DNAH10: variants seen among roughly 807,000 people sequenced by gnomAD.
DNAH10 encodes axonemal beta dynein heavy chain 10.
In DNAH10, 348 loss-of-function variants were observed where a neutral mutation model predicts 506.6. The observed-to-expected ratio is 0.69, with a 90% confidence interval of 0.63 to 0.75. The LOEUF (loss-of-function observed/expected upper bound fraction) is 0.75. Among genes scored for constraint, DNAH10 ranks in the 30% least tolerant of loss-of-function variants. DNAH10 has a pLI of 0.00. For missense variants in DNAH10, 5,179 were observed against 5,787.1 expected (o/e 0.89, Z 3.41); for synonymous variants, 2,059 against 2,198.6 (o/e 0.94, Z 1.78).
chr12:123,808,324 C>T (rs997462633), intron 18 of DNAH10, among the ~76,000 whole-genome samples: 1 of 152,154 alleles, frequency 6.6e-6, no homozygotes, highest in African/African-American at 2.4e-5. Context: ...AGCCACTGCG[C>T]CCCGCTAGAT....
At chr12:123,805,180 A>G in intron 18 of DNAH10, 140 bp downstream of exon 18, 4 of 838,824 alleles carry the variant, frequency 4.8e-6, no homozygotes, top group Non-Finnish European at 7.4e-6. Context: ...AAGGGCACTC[A>G]CAGAATGGGG....
intron 1 of DNAH10, among the ~76,000 whole-genome samples, chr12:123,765,535 C>T (rs1956992266): frequency 1.4e-5 from 2 of 147,100 alleles, no homozygotes; most frequent in Non-Finnish European, 3.0e-5. Context: ...TGATCTGTCT[C>T]CCTACCTTCC....
chr12:123,897,772 T>A lies in DNAH10; in HGVS notation c.9283T>A (p.Tyr3095Asn). The A allele has an allele frequency of 1.2e-6, 2 of 1,606,354 alleles. No homozygotes were observed. Among genetic ancestry groups the A allele is most frequent in the Non-Finnish European group, 1.7e-6 (2 of 1,178,108 alleles). The change falls in exon 55 of 79, where the codon TAT (tyrosine) becomes AAT (asparagine). Residue 3095 changes from tyrosine to asparagine, a missense_variant and splice_region_variant. Tyr to Asn is a moderately radical substitution (Grantham distance 143). Coordinates refer to ENST00000673944, the MANE Select transcript of DNAH10 (RefSeq NM_001372106.1). ...LHAVAKSFLGYNPMIPAENIE... is the reference protein window; with the variant it reads ...LHAVAKSFLGNNPMIPAENIE... Reference sequence around the variant, plus strand: ...ATTTTTTATTCCTTCCTCTTCAGGGTATAATCCAATGATCCCGGCAGAAAA... The same window carrying A: ...ATTTTTTATTCCTTCCTCTTCAGGGAATAATCCAATGATCCCGGCAGAAAA...
intron 65 of DNAH10, chr12:123,923,324 C>T (rs1954810149): frequency 6.5e-6 from 1 of 153,472 alleles, no homozygotes; most frequent in Admixed American, 6.5e-5. Context: ...ATGACAGAGA[C>T]CATCTAGCTT....
At chr12:123,840,645 C>T (rs528597896) in intron 29 of DNAH10, among the ~76,000 whole-genome samples, 243 of 152,128 alleles carry the variant, frequency 1.6e-3, no homozygotes, top group African/African-American at 5.3e-3. Context: ...ATTTACTGTT[C>T]GCCTCTTTTG....
At chr12:123,767,889 A>G (rs1957107261) in intron 2 of DNAH10, among the ~76,000 whole-genome samples, 200 bp downstream of exon 2, 1 of 152,192 alleles carries the variant, frequency 6.6e-6, no homozygotes, top group Non-Finnish European at 1.5e-5. Context: ...TGGGTGGCTG[A>G]AAACAACACA....
At chr12:123,931,572 G>T in intron 74 of DNAH10, 64 bp from the exon 75 acceptor site, 9 of 1,607,196 alleles carry the variant, frequency 5.6e-6, no homozygotes, top group Non-Finnish European at 7.7e-6. Context: ...GAACTGGAAG[G>T]CTCAGGAGGC....
chr12:123,854,975 A>G (rs757561491), intron 36 of DNAH10, among the ~76,000 whole-genome samples: 1 of 152,248 alleles, frequency 6.6e-6, no homozygotes, highest in Non-Finnish European at 1.5e-5. Context: ...AAGGTAAAGA[A>G]TTCACAAATA....
At chr12:123,858,592 C>T (rs1180611691) in intron 37 of DNAH10, among the ~76,000 whole-genome samples, 1 of 152,138 alleles carries the variant, frequency 6.6e-6, no homozygotes, top group Non-Finnish European at 1.5e-5. Flanking sequence ...GGGATCTACC[C>T]AAGAATGAGG....
chr12:123,775,002 T>C (rs569913313), intron 5 of DNAH10, among the ~76,000 whole-genome samples: 3 of 152,146 alleles, frequency 2.0e-5, no homozygotes, highest in Non-Finnish European at 2.9e-5. Flanking sequence ...TACCGACAAG[T>C]GGCATGAGGA....
In DNAH10 at chr12:123,841,464, C is replaced by T. The variant is rs373004317; in HGVS notation, c.5279C>T (p.Thr1760Met). The T allele has an allele frequency of 7.8e-5, 126 of 1,613,776 alleles. 2 individuals are homozygous for T. In the South Asian group the frequency reaches 8.3e-4, roughly 11 times the overall value. ...GAAGGGCGCGTGGAGGACTGGATGA[C>T]GGCAGTTTTGAATGAGATGAGAAGA... ...RAEGRVEDWM[T>M]AVLNEMRRTN... The change falls in exon 30 of 79, where the codon ACG (threonine) becomes ATG (methionine). Residue 1760 changes from threonine to methionine, a missense_variant. Around this residue, in one of 3 missense-constraint regions of DNAH10, gnomAD observed 4,844 missense variants for 5,430.5 expected, o/e 0.89. Transcript: ENST00000673944.
At chr12:123,798,432 C>T (rs1958358828) in intron 13 of DNAH10, among the ~76,000 whole-genome samples, 1 of 152,132 alleles carries the variant, frequency 6.6e-6, no homozygotes, top group Non-Finnish European at 1.5e-5. Flanking sequence ...TTCACTTGAG[C>T]AGATCTCCCA....
rs1958432035 is a variant in DNAH10 at position 123,800,220 on chromosome 12, CCATCGCCACAGAGGAG to C, written c.2296_2311del (p.Ile766LeufsTer4). The C allele has an allele frequency of 1.2e-6, 2 of 1,613,540 alleles. No individual in the cohort carries two copies. The highest frequency in any genetic ancestry group is 8.5e-7 in the Non-Finnish European group (1 of 1,179,768). On this transcript the variant is annotated frameshift_variant, in exon 15 of 79. Coordinates refer to ENST00000673944, the MANE Select transcript of DNAH10 (RefSeq NM_001372106.1). LOFTEE classifies it high-confidence loss of function. ...GATGGAATGTCTCTTCCACAGTCTT[CCATCGCCACAGAGGAG>C]CCTTCGACTTTAGAAAGGGGAGCTG...
In DNAH10 at chr12:123,806,113, C is replaced by T. The variant is rs570666022; in HGVS notation, c.2987+1073C>T. Among the ~76,000 whole-genome samples the T allele has an allele frequency of 3.9e-5, 6 of 152,162 alleles. No homozygotes were observed. The South Asian group carries it at 1.0e-3, about 26-fold the overall frequency. On this transcript the variant is annotated intron_variant, in intron 18 of 78. Coordinates refer to ENST00000673944, the MANE Select transcript of DNAH10 (RefSeq NM_001372106.1). ...ATTTTTCTTTTTCGTTTTTTGCTTT[C>T]ATTTTCTTGTTTGGTTTTTAAGTGA...
intron 27 of DNAH10, among the ~76,000 whole-genome samples, chr12:123,834,969 A>C (rs534693790): frequency 1.3e-5 from 2 of 152,332 alleles, no homozygotes; most frequent in Admixed American, 1.3e-4. Context: ...TATTGTGAAC[A>C]GTGCTGCCGT....
chr12:123,913,001 T>A lies in DNAH10; in HGVS notation c.10135-97T>A. 1 of 1,150,192 alleles carries A rather than the reference T, an allele frequency of 8.7e-7. No individual in the cohort carries two copies. The highest frequency in any genetic ancestry group is 1.2e-6 in the Non-Finnish European group (1 of 810,890). 71.2% of individuals were successfully genotyped at this position (1,150,192 alleles called of 1,614,324 possible). Reference sequence around the variant, plus strand: ...GAGGCTCTGAAAAGCACAGACACCATTAGAGCAGTTTAGACATGTGGCCTG... The same window carrying A: ...GAGGCTCTGAAAAGCACAGACACCAATAGAGCAGTTTAGACATGTGGCCTG... On this transcript the variant is annotated intron_variant, in intron 59 of 78. Coordinates refer to ENST00000673944, the MANE Select transcript of DNAH10 (RefSeq NM_001372106.1). The surrounding 1 kb of genome is among the most constrained non-coding windows in gnomAD (Gnocchi z 5.1).
At chr12:123,801,482 A>G in intron 16 of DNAH10, 50 bp downstream of exon 16, 1 of 1,583,770 alleles carries the variant, frequency 6.3e-7, no homozygotes, top group Non-Finnish European at 8.6e-7. Flanking sequence ...ATGCAAAGTA[A>G]TTCTTTTAGG....
At chr12:123,893,553 G>C (rs1269752206) in intron 53 of DNAH10, 117 bp downstream of exon 53, 1 of 1,187,150 alleles carries the variant, frequency 8.4e-7, no homozygotes, top group Non-Finnish European at 1.2e-6. Context: ...ACGGCCATTA[G>C]GTGGAAATGT....
rs1367865850 is a variant in DNAH10 at position 123,913,278 on chromosome 12, G to C, written c.10315G>C (p.Asp3439His). 4.4e-6 allele frequency: 7 copies of C among 1,605,564 alleles called. No individual in the cohort carries two copies. The highest frequency in any genetic ancestry group is 5.1e-6 in the Non-Finnish European group (6 of 1,176,528). ...EIMERRLIAA[D>H]KLISGLGSEN... is the part of the protein sequence containing the mutation. Reference sequence around the variant, plus strand: ...CATGGAGAGGCGGCTGATTGCCGCAGACAAACTCATCTCGGGTCTGGGGTC... The same window carrying C: ...CATGGAGAGGCGGCTGATTGCCGCACACAAACTCATCTCGGGTCTGGGGTC... Residue 3439 changes from aspartate to histidine, a missense_variant, in exon 60 of 79, where the codon GAC becomes CAC. By Grantham distance (81) the Asp-to-His change is moderately conservative. This residue lies in a region of DNAH10 where 4,844 missense variants were observed against 5,430.5 expected (regional missense o/e 0.89). Transcript: ENST00000673944. This position sits in a 1 kb window ranked among gnomAD's most constrained non-coding sequence, Gnocchi z 5.1.
Sources: gnomAD v4.1 joint callset for allele counts (sites outside exome capture counted in the v4.1 genomes callset) on GRCh38, gnomAD v4.1.1 for gene constraint, gnomAD v4.1.1 regional missense constraint, Gnocchi (gnomAD v3.1) non-coding constraint, MANE v1.5 for transcripts, NCBI Gene and HGNC (gene_info 2026-07-23, HGNC 2026-07-21) for gene names.